Variants in CADPS observed in about 807,000 individuals in gnomAD.
The protein encoded by CADPS is calcium dependent secretion activator.
A neutral mutation model predicts 167.3 loss-of-function variants in CADPS; 57 were observed. That is an observed-to-expected ratio of 0.34 (90% CI 0.28 to 0.42). The LOEUF (loss-of-function observed/expected upper bound fraction) is 0.42, where lower values mean the gene tolerates loss of function less well. Ranked by LOEUF, CADPS falls within the 20% of genes least tolerant of loss-of-function variation. The pLI is 1.00. For synonymous variants in CADPS, 676 were observed against 635.3 expected, an observed-to-expected ratio of 1.06 and a Z score of -0.96; for missense variants, 1,414 against 1,738.1, an observed-to-expected ratio of 0.81 and a Z score of 3.32.
rs533364790 is a variant in CADPS at position 62,583,154 on chromosome 3, T to C, written c.1577+2031A>G. Among the ~76,000 whole-genome samples, 4 of 77,538 alleles carry C rather than the reference T, an allele frequency of 5.2e-5. No individual in the cohort carries two copies. In the South Asian group the frequency reaches 2.4e-3, roughly 47 times the overall value. The allele number at this position is 77,538 out of a possible 152,430, so 50.9% of individuals were successfully genotyped here. ...TCTCTTTGATCTGCCCTACCCTCTTTGTCTCTCTCTCTCTCTCTCTCTCTC... is the reference window on the plus strand; with the variant it reads ...TCTCTTTGATCTGCCCTACCCTCTTCGTCTCTCTCTCTCTCTCTCTCTCTC... On this transcript the variant is annotated intron_variant, in intron 8 of 29. Coordinates refer to ENST00000383710, the MANE Select transcript of CADPS (RefSeq NM_003716.4).
chr3:62,643,737 C>A (rs2067923669), intron 6 of CADPS, among the ~76,000 whole-genome samples: 1 of 152,212 alleles, frequency 6.6e-6, no homozygotes, highest in African/African-American at 2.4e-5. Flanking sequence ...TTTCTTCTTC[C>A]TTCTCAATCT....
chr3:62,513,595 GAA>G (rs2068337383), intron 16 of CADPS: 5 of 1,257,894 alleles, frequency 4.0e-6, no homozygotes, highest in Non-Finnish European at 5.7e-6. Flanking sequence ...AATGAAAACA[GAA>G]AGAGTGAAGA....
rs1237192914 is a variant in CADPS at position 62,412,701 on chromosome 3, T to A, written c.3778-9516A>T. Among the ~76,000 whole-genome samples the A allele has an allele frequency of 6.6e-6, 1 of 152,126 alleles. No individual in the cohort carries two copies. On this transcript the variant is annotated intron_variant, in intron 28 of 29. Coordinates refer to ENST00000383710, the MANE Select transcript of CADPS (RefSeq NM_003716.4). The surrounding 1 kb of genome is among the most constrained non-coding windows in gnomAD (Gnocchi z 4.1). ...CTCCCGACTTAATGCATTTCAGCCT[T>A]CTAACCCAAGTCAGTCCTGTTGCAT...
intron 8 of CADPS, among the ~76,000 whole-genome samples, chr3:62,578,452 T>C (rs983044868): frequency 1.3e-5 from 2 of 151,220 alleles, no homozygotes; most frequent in South Asian, 2.1e-4. Context: ...GTACTAAAAA[T>C]ACAAAAAATT....
intron 9 of CADPS, among the ~76,000 whole-genome samples, chr3:62,568,521 C>T (rs748963552): frequency 6.6e-6 from 1 of 152,224 alleles, no homozygotes; most frequent in Non-Finnish European, 1.5e-5. Flanking sequence ...CCTTTATACA[C>T]TGGGACTTGT....
chr3:62,683,899 A>G (rs183373123), intron 3 of CADPS, among the ~76,000 whole-genome samples: 18 of 152,162 alleles, frequency 1.2e-4, no homozygotes, highest in Non-Finnish European at 2.6e-4. Context: ...GCGAAGAGCC[A>G]TTCTCAATAT....
intron 11 of CADPS, among the ~76,000 whole-genome samples, chr3:62,537,759 G>C (rs887776138): frequency 2.0e-5 from 3 of 151,862 alleles, no homozygotes; most frequent in Non-Finnish European, 4.4e-5. Flanking sequence ...CCCATGCTTG[G>C]GGTATGGCTG....
intron 11 of CADPS, among the ~76,000 whole-genome samples, chr3:62,542,428 A>C (rs576549728): frequency 7.9e-5 from 12 of 152,232 alleles, no homozygotes; most frequent in Non-Finnish European, 1.6e-4. Flanking sequence ...AGAAGACATG[A>C]AATAAAGAAA....
In CADPS at chr3:62,514,752, T is replaced by A. The variant is rs565350672; in HGVS notation, c.2581+1307A>T. Reference sequence around the variant, plus strand: ...GAACGTTTCTTGATCCCATCCCATCTCTGGACTTGCCTAGAATTGTTAGGT... The same window carrying A: ...GAACGTTTCTTGATCCCATCCCATCACTGGACTTGCCTAGAATTGTTAGGT... On this transcript the variant is annotated intron_variant, in intron 16 of 29. Transcript: ENST00000383710. The surrounding 1 kb of genome is among the most constrained non-coding windows in gnomAD (Gnocchi z 4.2). Among the ~76,000 whole-genome samples, 1 of 152,260 alleles carries A rather than the reference T, an allele frequency of 6.6e-6. No individual in the cohort carries two copies. Among genetic ancestry groups the A allele is most frequent in the East Asian group, 1.9e-4 (1 of 5,170 alleles).
intron 11 of CADPS, among the ~76,000 whole-genome samples, chr3:62,540,636 T>A (rs1180596192): frequency 2.6e-5 from 4 of 152,132 alleles, no homozygotes; most frequent in Admixed American, 2.0e-4. Context: ...TCTGCCTGTG[T>A]CTCCATACAT....
chr3:62,483,442 C>T (rs919637911), intron 21 of CADPS, among the ~76,000 whole-genome samples: 16 of 152,190 alleles, frequency 1.1e-4, no homozygotes, highest in African/African-American at 3.6e-4. Flanking sequence ...ACCTGGATAC[C>T]TGTCTCCCTC....
chr3:62,597,004 T>C (rs1478005641), intron 6 of CADPS, among the ~76,000 whole-genome samples: 1 of 152,206 alleles, frequency 6.6e-6, no homozygotes, highest in Non-Finnish European at 1.5e-5. Flanking sequence ...TATTAGTGAT[T>C]AGCAACACTG....
intron 6 of CADPS, among the ~76,000 whole-genome samples, chr3:62,641,021 CT>C (rs1414487676): frequency 1.1e-4 from 17 of 152,128 alleles, no homozygotes; most frequent in Middle Eastern, 3.4e-3. Context: ...TTCATGATTA[CT>C]TTTCATTGTA....
chr3:62,835,055 C>A (rs1008594338), intron 1 of CADPS, among the ~76,000 whole-genome samples: 4 of 152,078 alleles, frequency 2.6e-5, no homozygotes, highest in Admixed American at 2.0e-4. Context: ...AGAAAACAGA[C>A]TTTAATATAA....
chr3:62,563,355 TGTATTCC>T (rs1420994947), intron 9 of CADPS, among the ~76,000 whole-genome samples: 1 of 152,216 alleles, frequency 6.6e-6, no homozygotes, highest in African/African-American at 2.4e-5. Context: ...TGACTACTAT[TGTATTCC>T]AAGGCATTAT....
At position 62,569,542 on chromosome 3, in the gene CADPS, C is replaced by T. The variant is rs377080997; in HGVS notation, c.1644+1330G>A. On this transcript the variant is annotated intron_variant, in intron 9 of 29. Transcript: ENST00000383710. ...ATTAGAGCCAGAGAGCTGTATTTTG[C>T]CTTAGCGGCACAGCAGAGACTTAAG... Among the ~76,000 whole-genome samples, 30 of 152,320 alleles carry T rather than the reference C, an allele frequency of 2.0e-4. No homozygotes were observed. The East Asian group carries it at 5.6e-3, about 28-fold the overall frequency.
Position 62,822,892 on chromosome 3 carries a change from C to A in CADPS, c.441+51697G>T, listed in dbSNP as rs899277213. ...TTAAATTAAAAAAATAAAAGAGACA[C>A]GTCTTGGCTGATCGGACATTTCAGG... On this transcript the variant is annotated intron_variant, in intron 1 of 29. Coordinates refer to ENST00000383710, the MANE Select transcript of CADPS (RefSeq NM_003716.4). 2.6e-5 allele frequency among the ~76,000 whole-genome samples: 4 copies of A among 151,732 alleles called. No individual in the cohort carries two copies. The South Asian group carries it at 8.4e-4, about 32-fold the overall frequency.
At chr3:62,612,768 G>T (rs1243407156) in intron 6 of CADPS, among the ~76,000 whole-genome samples, 1 of 152,172 alleles carries the variant, frequency 6.6e-6, no homozygotes, top group African/African-American at 2.4e-5. Flanking sequence ...GTTTTCCAGT[G>T]AATGGGGGCA....
At chr3:62,476,534 G>C (rs145118043) in intron 23 of CADPS, among the ~76,000 whole-genome samples, 1 of 152,270 alleles carries the variant, frequency 6.6e-6, no homozygotes, top group East Asian at 1.9e-4. Context: ...TGAGACCTGG[G>C]GAGGGTAAGG....
Sources: allele counts gnomAD v4.1 joint callset (sites outside exome capture counted in the v4.1 genomes callset), GRCh38; gene constraint gnomAD v4.1.1; non-coding constraint Gnocchi (gnomAD v3.1); transcripts MANE v1.5; gene names NCBI Gene and HGNC (gene_info 2026-07-23, HGNC 2026-07-21).